MYH10: variants seen among roughly 807,000 people sequenced by gnomAD.
MYH10 encodes the protein myosin-10.
In MYH10, 55 loss-of-function variants were observed where a neutral mutation model predicts 257.8. That is an observed-to-expected ratio of 0.21 (90% CI 0.17 to 0.27). The LOEUF is 0.27. MYH10 is among the 10% of genes least tolerant of loss of function. The pLI, the probability that MYH10 is intolerant of heterozygous loss-of-function variation, is 1.00. For synonymous variants in MYH10, 854 were observed against 921.7 expected, an observed-to-expected ratio of 0.93 and a Z score of 1.33; for missense variants, 1,631 against 2,500.6, an observed-to-expected ratio of 0.65 and a Z score of 7.42.
rs376301465 is a variant in MYH10, at chr17:8,490,335, C to G, written c.4884+5G>C. 7.4e-6 allele frequency: 12 copies of G among 1,612,964 alleles called. No individual in the cohort carries two copies. The African/African-American group carries it at 1.6e-4, about 22-fold the overall frequency. On this transcript the variant is annotated splice_donor_5th_base_variant and intron_variant, in intron 35 of 42. Coordinates refer to ENST00000360416, the MANE Select transcript of MYH10 (RefSeq NM_001256012.3). This position sits in a 1 kb window ranked among gnomAD's most constrained non-coding sequence, Gnocchi z 4.1. The stretch of plus-strand genomic sequence containing the variant: ...TTGTTGTGGAGGCCGCACCCTCTGC[C>G]CTACCTGTTTGATCAGCAGCCGCTT...
chr17:8,628,649 A>G (rs1290163436), intron 1 of MYH10, among the ~76,000 whole-genome samples: 1 of 152,082 alleles, frequency 6.6e-6, no homozygotes, highest in Non-Finnish European at 1.5e-5. Context: ...ACAAACACAA[A>G]CCAAACACAA....
intron 2 of MYH10, among the ~76,000 whole-genome samples, chr17:8,614,347 G>A (rs1412513013): frequency 1.2e-4 from 13 of 104,454 alleles, no homozygotes; most frequent in East Asian, 2.8e-4. Context: ...ATGGATTCTC[G>A]CTCTGTTGTT....
intron 19 of MYH10, among the ~76,000 whole-genome samples, chr17:8,520,159 T>C (rs952129611): frequency 3.3e-5 from 5 of 152,254 alleles, no homozygotes; most frequent in African/African-American, 1.2e-4. Context: ...TTTACTTCTC[T>C]TGTATTTTCC....
chr17:8,538,949 T>G (rs973634978), intron 14 of MYH10, among the ~76,000 whole-genome samples: 1 of 152,178 alleles, frequency 6.6e-6, no homozygotes, highest in African/African-American at 2.4e-5. Flanking sequence ...GGCTCTTTCC[T>G]AGTAAATGGA....
At chr17:8,597,809 G>A (rs923912508) in intron 3 of MYH10, among the ~76,000 whole-genome samples, 1 of 150,978 alleles carries the variant, frequency 6.6e-6, no homozygotes, top group Non-Finnish European at 1.5e-5. Flanking sequence ...TAGTAGAGAC[G>A]GGGTTTCACT....
intron 37 of MYH10, among the ~76,000 whole-genome samples, chr17:8,482,158 C>A (rs1913932785): frequency 6.6e-6 from 1 of 152,216 alleles, no homozygotes; most frequent in South Asian, 2.1e-4. Flanking sequence ...TGAGGCCCAC[C>A]TGGATGAAGA....
chr17:8,488,192 C>G (rs553558099), intron 35 of MYH10, among the ~76,000 whole-genome samples: 1 of 152,184 alleles, frequency 6.6e-6, no homozygotes, highest in Non-Finnish European at 1.5e-5. Context: ...GAGGTGGACA[C>G]ACCTGTCAGC....
At chr17:8,596,675 T>TAGGAGGGAGGGGGAGG (rs2084384449) in intron 3 of MYH10, among the ~76,000 whole-genome samples, 2 of 55,956 alleles carry the variant, frequency 3.6e-5, no homozygotes, top group African/African-American at 1.4e-4. Context: ...GGAGGGGGAG[T>TAGGAGGGAGGGGGAGG]AGGAGGGAGG....
chr17:8,510,112 C>T (rs576355248), intron 24 of MYH10, among the ~76,000 whole-genome samples, 163 bp from the exon 25 acceptor site: 250 of 150,036 alleles, frequency 1.7e-3, no homozygotes, highest in Non-Finnish European at 2.7e-3. Flanking sequence ...CACCTCGGCT[C>T]GCTGCAACCT....
At chr17:8,592,933 C>CCACATATATATATATATATA (rs1555612260) in intron 3 of MYH10, among the ~76,000 whole-genome samples, 2 of 44,712 alleles carry the variant, frequency 4.5e-5, no homozygotes, top group African/African-American at 6.2e-5. Flanking sequence ...TCAAATCCAG[C>CCACATATATATATATATATA]TATATATATA....
At chr17:8,529,116 C>A (rs897872830) in intron 17 of MYH10, among the ~76,000 whole-genome samples, 3 of 152,220 alleles carry the variant, frequency 2.0e-5, no homozygotes, top group African/African-American at 7.2e-5. Flanking sequence ...CTGGTGTATA[C>A]ACCCCAAAGA....
rs2151964382 is a variant in MYH10, at chr17:8,551,973, T to C, written c.919+73A>G. 5 of 811,008 alleles carry C rather than the reference T, an allele frequency of 6.2e-6. No individual in the cohort carries two copies. The Middle Eastern group carries it at 9.2e-4, about 149-fold the overall frequency. The allele number at this position is 811,008 out of a possible 1,614,324, so 50.2% of individuals were successfully genotyped here. A position where few individuals can be genotyped will look rare whatever the true frequency, so the allele number is the denominator to read the frequency against. ...GTGTGTAAAAAACTGTTTCCCAAAA[T>C]TGTTTTTTCTCAAAAAAAAATTAAA... is the stretch of plus-strand genomic sequence containing the variant. On this transcript the variant is annotated intron_variant, in intron 9 of 42. Transcript: ENST00000360416.
rs1295716091 is a variant in MYH10, at chr17:8,588,143, G to A, written c.530+938C>T. Among the ~76,000 whole-genome samples, 3 of 152,196 alleles carry A rather than the reference G, an allele frequency of 2.0e-5. 1 individual carries two copies. The East Asian group carries it at 5.8e-4, about 29-fold the overall frequency. ...GTTCTTCCTCCTCTGCCTGACCCTT[G>A]AGTGTAGGCTTTCCTCAGGATTCCA... On this transcript the variant is annotated intron_variant, in intron 4 of 42. Coordinates refer to ENST00000360416, the MANE Select transcript of MYH10 (RefSeq NM_001256012.3).
chr17:8,594,927 T>A (rs748613814), intron 3 of MYH10, among the ~76,000 whole-genome samples: 5 of 152,194 alleles, frequency 3.3e-5, no homozygotes, highest in Non-Finnish European at 5.9e-5. Context: ...TTTTCCCCAA[T>A]CCACAGTTGG....
intron 25 of MYH10, 23 bp downstream of exon 25, chr17:8,509,789 T>C: frequency 6.3e-7 from 1 of 1,582,566 alleles, no homozygotes; most frequent in East Asian, 2.3e-5. Context: ...TAAAATCAGC[T>C]TTTTGTGGGA....
chr17:8,598,743 G>A (rs577192483), intron 3 of MYH10, among the ~76,000 whole-genome samples: 1 of 137,168 alleles, frequency 7.3e-6, no homozygotes, highest in Admixed American at 7.7e-5. Context: ...GTCTTGCTCT[G>A]TTGCCCAGGC....
At chr17:8,608,857 C>G (rs1244095386) in intron 2 of MYH10, among the ~76,000 whole-genome samples, 1 of 149,648 alleles carries the variant, frequency 6.7e-6, no homozygotes, top group Non-Finnish European at 1.5e-5. Flanking sequence ...TGTCGCCAGG[C>G]TGGAGTGCAG....
intron 13 of MYH10, among the ~76,000 whole-genome samples, chr17:8,544,101 A>G (rs8078767): frequency 0.96 from 146,817 of 152,272 alleles, 71,014 homozygotes; most frequent in East Asian, 1. Flanking sequence ...TAATGGATGC[A>G]TAGTATTCCA....
chr17:8,576,782 T>C, intron 5 of MYH10, 110 bp from the exon 6 acceptor site: 2 of 1,011,286 alleles, frequency 2.0e-6, no homozygotes, highest in Non-Finnish European at 3.0e-6. Context: ...CTGTGGAAGC[T>C]GGGTTGGCTG....
Sources: allele counts gnomAD v4.1 joint callset (sites outside exome capture counted in the v4.1 genomes callset), GRCh38; gene constraint gnomAD v4.1.1; non-coding constraint Gnocchi (gnomAD v3.1); transcripts MANE v1.5; gene names NCBI Gene and HGNC (gene_info 2026-07-23, HGNC 2026-07-21).